LACC1: variants seen among roughly 807,000 people sequenced by gnomAD.
LACC1 encodes the protein purine nucleoside phosphorylase LACC1.
In LACC1, 25 loss-of-function variants were observed where a neutral mutation model predicts 34.8. The observed-to-expected ratio is 0.72, with a 90% CI of 0.52 to 1.00. LACC1 has a LOEUF of 1.00. Among genes scored for constraint, LACC1 ranks in the 50% least tolerant of loss-of-function variants. The pLI is 0.00. For missense variants in LACC1, 426 were observed against 511.2 expected, an observed-to-expected ratio of 0.83 and a Z score of 1.61; for synonymous variants, 162 against 168.0, an observed-to-expected ratio of 0.96 and a Z score of 0.28.
At position 43,891,359 on chromosome 13, in the gene LACC1, A is replaced by G. The variant is rs1247983744; in HGVS notation, c.*2-90A>G. Reference sequence around the variant, plus strand: ...CAATGTTTTTAGCTCTTTAACTTACAGAAAAACTTTAATAGACTTCATGAC... The same window carrying G: ...CAATGTTTTTAGCTCTTTAACTTACGGAAAAACTTTAATAGACTTCATGAC... On this transcript the variant is annotated intron_variant, in intron 6 of 6. Coordinates refer to ENST00000325686, the MANE Select transcript of LACC1 (RefSeq NM_153218.4). The G allele has an allele frequency of 2.8e-5, 16 of 564,472 alleles. No homozygotes were observed. In the Admixed American group the frequency reaches 9.5e-4, roughly 34 times the overall value. 35.0% of individuals were successfully genotyped at this position (564,472 alleles called of 1,614,324 possible). A position where few individuals can be genotyped will look rare whatever the true frequency, so the allele number is the denominator to read the frequency against.
intron 4 of LACC1, 38 bp downstream of exon 4, chr13:43,883,974 T>C (rs2138304728): frequency 6.4e-7 from 1 of 1,558,702 alleles, no homozygotes; most frequent in Middle Eastern, 1.7e-4. Context: ...ATTTTACTCA[T>C]TTTGTTGTGC....
intron 4 of LACC1, among the ~76,000 whole-genome samples, chr13:43,884,321 C>G (rs1955211695): frequency 6.6e-6 from 1 of 152,108 alleles, no homozygotes; most frequent in Non-Finnish European, 1.5e-5. Context: ...ATAACCAAGA[C>G]CAACCAACCA....
rs1955580317 is a variant in LACC1, at chr13:43,891,901, A to G, written c.*454A>G. Reference sequence around the variant, plus strand: ...AAGAGAACATAAGGAATAGAGGTTAATTTTACCCAGAAGCAGGATAGAGAA... The same window carrying G: ...AAGAGAACATAAGGAATAGAGGTTAGTTTTACCCAGAAGCAGGATAGAGAA... On this transcript the variant is annotated 3_prime_UTR_variant, in exon 7 of 7. Transcript: ENST00000325686. 1 of 152,222 alleles carries G rather than the reference A, an allele frequency of 6.6e-6. No individual in the cohort carries two copies. The highest frequency in any genetic ancestry group is 1.5e-5 in the Non-Finnish European group (1 of 68,038). 9.4% of individuals were successfully genotyped at this position (152,222 alleles called of 1,614,324 possible).
chr13:43,888,837 A>G lies in LACC1; in HGVS notation c.988A>G (p.Ile330Val), dbSNP rs1235439274. Residue 330 changes from isoleucine (I) to valine (V), a missense_variant, in exon 5 of 7, where the codon ATT becomes GTT. This residue lies in a region of LACC1 where 209 missense variants were observed against 300.3 expected (regional missense o/e 0.70). Transcript: ENST00000325686. Reference protein sequence around the residue: ...IAEYGCSLEDIVVVLGPSVGP... With the variant: ...IAEYGCSLEDVVVVLGPSVGP... The stretch of plus-strand genomic sequence containing the variant: ...AGAATATGGCTGCAGTTTGGAAGAC[A>G]TTGTTGTTGTACTTGGACCTTCAGT... The G allele has an allele frequency of 1.1e-5, 18 of 1,613,732 alleles. No homozygotes were observed. The Admixed American group carries it at 2.5e-4, about 22-fold the overall frequency.
intron 4 of LACC1, among the ~76,000 whole-genome samples, chr13:43,887,550 G>A (rs1186053493): frequency 6.6e-6 from 1 of 152,122 alleles, no homozygotes; most frequent in East Asian, 1.9e-4. Flanking sequence ...AGATGGCAAG[G>A]GAACGATAGT....
chr13:43,883,852 G>A lies in LACC1; in HGVS notation c.823G>A (p.Val275Ile), dbSNP rs1434002876. 6.2e-7 allele frequency: 1 copy of A among 1,613,838 alleles called. No individual in the cohort carries two copies. Among genetic ancestry groups the A allele is most frequent in the Non-Finnish European group, 8.5e-7 (1 of 1,179,778 alleles). The change falls in exon 4 of 7, where the codon GTC (valine) becomes ATC (isoleucine). Residue 275 changes from valine to isoleucine, a missense_variant. Val to Ile is a conservative substitution (Grantham distance 29). Transcript: ENST00000325686. ...TGGAATAACCACAAATCAGAGAGGA[G>A]TCACAATAGCAGCTCTTGGTGCAGA... ...YDGITTNQRG[V>I]TIAALGADCI...
Position 43,881,131 on chromosome 13 carries a change from A to C in LACC1, c.146A>C (p.Asn49Thr). Residue 49 changes from asparagine (N) to threonine (T), a missense_variant, in exon 2 of 7, where the codon AAC becomes ACC. Physicochemically the swap from Asn to Thr is moderately conservative, Grantham distance 65. Transcript: ENST00000325686. ...TTTCTCTGTATAATGTGTTGCAGTA[A>C]CATCAGCTATGAAAGGGATGGAGAA... ...AKFLCIMCCS[N>T]ISYERDGEQD... The C allele has an allele frequency of 6.2e-7, 1 of 1,614,220 alleles. No individual in the cohort carries two copies. The highest frequency in any genetic ancestry group is 2.2e-5 in the East Asian group (1 of 44,878).
intron 5 of LACC1, 36 bp downstream of exon 5, chr13:43,889,018 T>C (rs1295767890): frequency 1.3e-6 from 2 of 1,486,688 alleles, no homozygotes; most frequent in East Asian, 4.5e-5. Context: ...AGTTTGATTA[T>C]TTCTGATTGT....
At position 43,888,825 on chromosome 13, in the gene LACC1, A is replaced by G. The variant is rs755873548; in HGVS notation, c.976A>G (p.Ser326Gly). 3.2e-5 allele frequency: 52 copies of G among 1,613,926 alleles called. No homozygotes were observed. In the Middle Eastern group the frequency reaches 8.3e-4, roughly 26 times the overall value. Residue 326 changes from serine to glycine, a missense_variant, in exon 5 of 7, where the codon AGT (serine) becomes GGT (glycine). Physicochemically the swap from Ser to Gly is moderately conservative, Grantham distance 56. This residue lies in a region of LACC1 where 209 missense variants were observed against 300.3 expected (regional missense o/e 0.70). Transcript: ENST00000325686. ...VNAMIAEYGC[S>G]LEDIVVVLGP... ...TGCTATGATAGCAGAATATGGCTGCAGTTTGGAAGACATTGTTGTTGTACT... is the reference window on the plus strand; with the variant it reads ...TGCTATGATAGCAGAATATGGCTGCGGTTTGGAAGACATTGTTGTTGTACT...
chr13:43,881,598 T>G, intron 2 of LACC1, 51 bp downstream of exon 2: 2 of 1,355,230 alleles, frequency 1.5e-6, no homozygotes, highest in Non-Finnish European at 2.0e-6. Flanking sequence ...AAAACTAGTC[T>G]TTCTTCAGAG....
At chr13:43,880,861 G>A (rs1347046322) in intron 1 of LACC1, 91 bp from the exon 2 acceptor site, 4 of 804,234 alleles carry the variant, frequency 5.0e-6, no homozygotes, top group Non-Finnish European at 7.7e-6. Context: ...TAAAATCAGT[G>A]TAATTACTTC....
intron 2 of LACC1, among the ~76,000 whole-genome samples, 193 bp downstream of exon 2, chr13:43,881,740 A>G (rs941421385): frequency 6.6e-6 from 1 of 152,236 alleles, no homozygotes; most frequent in South Asian, 2.1e-4. Context: ...TAAAGCCTTC[A>G]AAGCCACCCC....
intron 2 of LACC1, 59 bp from the exon 3 acceptor site, chr13:43,882,126 A>G: frequency 7.3e-7 from 1 of 1,365,142 alleles, no homozygotes; most frequent in Non-Finnish European, 1.0e-6. Context: ...GGAAGGTCTA[A>G]TTGAGAGACT....
chr13:43,884,492 G>C (rs1050728614), intron 4 of LACC1, among the ~76,000 whole-genome samples: 8 of 152,188 alleles, frequency 5.3e-5, no homozygotes, highest in African/African-American at 1.7e-4. Context: ...CATGTGTAAA[G>C]CTAGGGAGGT....
intron 6 of LACC1, among the ~76,000 whole-genome samples, chr13:43,891,058 G>A (rs1955550275): frequency 6.6e-6 from 1 of 152,172 alleles, no homozygotes; most frequent in African/African-American, 2.4e-5. Flanking sequence ...CCAGGAGTTT[G>A]AGTACAGCAT....
In LACC1 at chr13:43,881,232, A is replaced by C; in HGVS notation, c.247A>C (p.Ser83Arg). Reference protein sequence around the residue: ...LEEFEIVSCPSMAATLYTIKQ... With the variant: ...LEEFEIVSCPRMAATLYTIKQ... Reference sequence around the variant, plus strand: ...AGAATTTGAGATTGTTAGCTGTCCCAGCATGGCTGCCACTTTGTATACCAT... The same window carrying C: ...AGAATTTGAGATTGTTAGCTGTCCCCGCATGGCTGCCACTTTGTATACCAT... The change falls in exon 2 of 7, where the codon AGC becomes CGC. Residue 83 changes from serine (S) to arginine (R), a missense_variant. By Grantham distance (110) the Ser-to-Arg change is moderately radical. Around this residue, in one of 2 missense-constraint regions of LACC1, gnomAD observed 217 missense variants for 210.9 expected, o/e 1.03. Coordinates refer to ENST00000325686, the MANE Select transcript of LACC1 (RefSeq NM_153218.4). The C allele has an allele frequency of 2.5e-6, 4 of 1,614,234 alleles. No homozygotes were observed. The highest frequency in any genetic ancestry group is 3.4e-6 in the Non-Finnish European group (4 of 1,180,030).
At position 43,888,837 on chromosome 13, in the gene LACC1, A is replaced by C; in HGVS notation, c.988A>C (p.Ile330Leu). The part of the protein sequence containing the change: ...IAEYGCSLED[I>L]VVVLGPSVGP... ...AGAATATGGCTGCAGTTTGGAAGAC[A>C]TTGTTGTTGTACTTGGACCTTCAGT... Residue 330 changes from isoleucine (I) to leucine (L), a missense_variant, in exon 5 of 7, where the codon ATT (isoleucine) becomes CTT (leucine). Coordinates refer to ENST00000325686, the MANE Select transcript of LACC1 (RefSeq NM_153218.4). 2 of 1,613,850 alleles carry C rather than the reference A, an allele frequency of 1.2e-6. No homozygotes were observed. Among genetic ancestry groups the C allele is most frequent in the Non-Finnish European group, 1.7e-6 (2 of 1,179,814 alleles).
rs749840877 is a variant in LACC1, at chr13:43,891,600, T to A, written c.*153T>A. 2.9e-5 allele frequency: 24 copies of A among 815,300 alleles called. No individual in the cohort carries two copies. The highest frequency in any genetic ancestry group is 3.4e-5 in the Non-Finnish European group (23 of 675,076). The allele number at this position is 815,300 out of a possible 1,614,324, so 50.5% of individuals were successfully genotyped here. ...ATTTTTACTATTATTCAAAGCCAAATGATTTTCATTTAATTGTAATAATAA... is the reference window on the plus strand; with the variant it reads ...ATTTTTACTATTATTCAAAGCCAAAAGATTTTCATTTAATTGTAATAATAA... On this transcript the variant is annotated 3_prime_UTR_variant, in exon 7 of 7. Coordinates refer to ENST00000325686, the MANE Select transcript of LACC1 (RefSeq NM_153218.4).
In LACC1 at chr13:43,888,899, A is replaced by G; in HGVS notation, c.1050A>G (p.Ala350=). The G allele has an allele frequency of 2.5e-6, 4 of 1,613,952 alleles. No homozygotes were observed. Among genetic ancestry groups the G allele is most frequent in the Non-Finnish European group, 3.4e-6 (4 of 1,179,864 alleles). Residue 350 remains alanine (A), a synonymous_variant, in exon 5 of 7, where the codon GCA becomes GCG. Coordinates refer to ENST00000325686, the MANE Select transcript of LACC1 (RefSeq NM_153218.4). ...GTTTTACTCTTCCAAGGGAATCAGC[A>G]GAGGCATTTCATAATCTTCATCCTG... ...PCCFTLPRES[A]EAFHNLHPAC...
Sources: gnomAD v4.1 joint callset for allele counts (sites outside exome capture counted in the v4.1 genomes callset) on GRCh38, gnomAD v4.1.1 for gene constraint, gnomAD v4.1.1 regional missense constraint, MANE v1.5 for transcripts, NCBI Gene and HGNC (gene_info 2026-07-23, HGNC 2026-07-21) for gene names.